Variants in USP34 observed in about 807,000 individuals in gnomAD.
USP34 encodes ubiquitin carboxyl-terminal hydrolase 34.
USP34 carries 70 observed loss-of-function variants against 460.3 expected under a neutral mutation model. The ratio of observed to expected loss-of-function variants is 0.15; its 90% CI spans 0.13 to 0.19. The LOEUF (loss-of-function observed/expected upper bound fraction) is 0.19. Ranked by LOEUF, USP34 falls within the 10% of genes least tolerant of loss-of-function variation. USP34 has a pLI of 1.00. For synonymous variants in USP34, 1,647 were observed against 1,405.3 expected (o/e 1.17, Z -3.85); for missense variants, 3,985 against 4,236.2 (o/e 0.94, Z 1.65).
At chr2:61,248,715 ATTT>A (rs1246383022) in intron 48 of USP34, 32 bp from the exon 49 acceptor site, 3 of 1,512,280 alleles carry the variant, frequency 2.0e-6, no homozygotes, top group Non-Finnish European at 2.7e-6. Context: ...AATAAAGATT[ATTT>A]TTTACAAATA....
chr2:61,268,800 C>G (rs941027679), intron 41 of USP34, among the ~76,000 whole-genome samples: 4 of 152,098 alleles, frequency 2.6e-5, no homozygotes, highest in African/African-American at 4.8e-5. Context: ...ACCATTCTAG[C>G]TTAATATTCA....
intron 3 of USP34, among the ~76,000 whole-genome samples, chr2:61,404,931 A>G (rs1008355516): frequency 6.6e-6 from 1 of 152,166 alleles, no homozygotes; most frequent in African/African-American, 2.4e-5. Flanking sequence ...CTTACAAAAG[A>G]AAATACTATT....
chr2:61,228,239 A>C (rs757124308), intron 61 of USP34, among the ~76,000 whole-genome samples: 14 of 152,248 alleles, frequency 9.2e-5, no homozygotes, highest in Non-Finnish European at 1.9e-4. Flanking sequence ...GTTATGAACA[A>C]CACAAAACTG....
intron 10 of USP34, among the ~76,000 whole-genome samples, chr2:61,361,860 A>G (rs1303089618): frequency 1.3e-5 from 2 of 152,190 alleles, no homozygotes; most frequent in Non-Finnish European, 2.9e-5. Context: ...AGGAAACAAC[A>G]GAGTGAAAAA....
chr2:61,465,185 T>C (rs1695724913), intron 1 of USP34, among the ~76,000 whole-genome samples: 1 of 152,150 alleles, frequency 6.6e-6, no homozygotes, highest in Non-Finnish European at 1.5e-5. Context: ...CAAGATTATA[T>C]TTAAAAAGGG....
intron 1 of USP34, among the ~76,000 whole-genome samples, chr2:61,427,033 A>C (rs1694532373): frequency 6.6e-6 from 1 of 152,098 alleles, no homozygotes; most frequent in Non-Finnish European, 1.5e-5. Flanking sequence ...CTTAGATCAC[A>C]ATACCCAAGT....
In USP34 at chr2:61,214,108, G is replaced by T; in HGVS notation, c.8634C>A (p.Ile2878=). The T allele has an allele frequency of 6.2e-7, 1 of 1,614,240 alleles. No individual in the cohort carries two copies. Among genetic ancestry groups the T allele is most frequent in the Non-Finnish European group, 8.5e-7 (1 of 1,180,038 alleles). Residue 2878 remains isoleucine, a synonymous_variant, in exon 68 of 80, where the codon ATC becomes ATA. Coordinates refer to ENST00000398571, the MANE Select transcript of USP34 (RefSeq NM_014709.4). ...FTRQLASHQN[I]QWAFKNLTPH... Reference sequence around the variant, plus strand: ...GTGTAAGATTCTTAAAGGCCCACTGGATGTTCTGGTGAGAAGCCAGTTGTC... The same window carrying T: ...GTGTAAGATTCTTAAAGGCCCACTGTATGTTCTGGTGAGAAGCCAGTTGTC...
intron 1 of USP34, among the ~76,000 whole-genome samples, chr2:61,434,581 A>G (rs1054346575): frequency 3.3e-5 from 5 of 152,218 alleles, no homozygotes; most frequent in Non-Finnish European, 7.3e-5. Context: ...CCCCCCTGGC[A>G]AAGCTGCACC....
intron 12 of USP34, among the ~76,000 whole-genome samples, chr2:61,349,727 G>GTT (rs1691888065): frequency 6.6e-6 from 1 of 152,022 alleles, no homozygotes; most frequent in Non-Finnish European, 1.5e-5. Flanking sequence ...TGTAGTCCCA[G>GTT]CTACTCGGGA....
chr2:61,225,808 G>A (rs1181173746), intron 62 of USP34, among the ~76,000 whole-genome samples: 1 of 152,106 alleles, frequency 6.6e-6, no homozygotes, highest in African/African-American at 2.4e-5. Context: ...ATATATTGTT[G>A]ATTCATTAAC....
intron 74 of USP34, among the ~76,000 whole-genome samples, chr2:61,203,857 A>G (rs940945484): frequency 2.0e-5 from 3 of 152,120 alleles, no homozygotes; most frequent in African/African-American, 4.8e-5. Context: ...CAAATCTATC[A>G]ATCAATATTA....
At position 61,370,699 on chromosome 2, in the gene USP34, C is replaced by T. The variant is rs1047644865; in HGVS notation, c.1077-120G>A. On this transcript the variant is annotated intron_variant, in intron 8 of 79. Transcript: ENST00000398571. ...TATAGGAATTATAAAGAATTAGATA[C>T]AATCAGTTTTATAGAATACTACAAA... The T allele has an allele frequency of 1.1e-5, 9 of 789,228 alleles. No homozygotes were observed. In the South Asian group the frequency reaches 1.3e-4, roughly 11 times the overall value. 48.9% of individuals were successfully genotyped at this position (789,228 alleles called of 1,614,324 possible).
intron 27 of USP34, among the ~76,000 whole-genome samples, chr2:61,309,918 C>T (rs532126867): frequency 1.1e-3 from 163 of 152,252 alleles, no homozygotes; most frequent in African/African-American, 3.8e-3. Flanking sequence ...TCATCTTCTG[C>T]AATCCTTTAT....
intron 1 of USP34, among the ~76,000 whole-genome samples, chr2:61,437,059 G>A (rs1445043385): frequency 2.0e-5 from 3 of 152,124 alleles, no homozygotes; most frequent in Non-Finnish European, 4.4e-5. Context: ...CTGCTAAGAG[G>A]GAAGTTTATA....
intron 21 of USP34, among the ~76,000 whole-genome samples, chr2:61,319,615 T>C (rs1572931238): frequency 6.7e-6 from 1 of 149,950 alleles, no homozygotes; most frequent in African/African-American, 2.5e-5. Context: ...GAGGCCGAGG[T>C]GGGTGGACTG....
intron 6 of USP34, 137 bp downstream of exon 6, chr2:61,383,132 T>C (rs759295533): frequency 6.0e-6 from 3 of 499,784 alleles, no homozygotes; most frequent in Non-Finnish European, 1.0e-5. Flanking sequence ...TAAAAAACAC[T>C]ATATACCAAA....
At position 61,339,614 on chromosome 2, in the gene USP34, G is replaced by A; in HGVS notation, c.2568C>T (p.Cys856=). Residue 856 remains cysteine (C), a synonymous_variant, in exon 17 of 80, where the codon TGC becomes TGT. Transcript: ENST00000398571. ...CCCACAACAAAGTATTTCCTTTCTTGCAAACATTATCCAAATTAATGTCTG... is the reference window on the plus strand; with the variant it reads ...CCCACAACAAAGTATTTCCTTTCTTACAAACATTATCCAAATTAATGTCTG... The part of the protein sequence containing the change: ...AVTDINLDNV[C]KKGNTLLWDI... The A allele has an allele frequency of 6.3e-7, 1 of 1,577,304 alleles. No homozygotes were observed. The highest frequency in any genetic ancestry group is 8.6e-7 in the Non-Finnish European group (1 of 1,167,558).
intron 16 of USP34, among the ~76,000 whole-genome samples, chr2:61,341,388 G>C (rs948806212): frequency 2.0e-5 from 3 of 152,154 alleles, no homozygotes; most frequent in African/African-American, 7.2e-5. Context: ...CAGTTTGAAT[G>C]TTTTGTCCCC....
At chr2:61,428,032 G>C (rs564866743) in intron 1 of USP34, among the ~76,000 whole-genome samples, 3 of 152,126 alleles carry the variant, frequency 2.0e-5, no homozygotes, top group African/African-American at 7.2e-5. Context: ...GGGCATGGTG[G>C]CGTGTGCCTG....
Sources: allele counts gnomAD v4.1 joint callset (sites outside exome capture counted in the v4.1 genomes callset), GRCh38; gene constraint gnomAD v4.1.1; transcripts MANE v1.5; gene names NCBI Gene and HGNC (gene_info 2026-07-23, HGNC 2026-07-21).